Variants in OSBPL1A observed in about 807,000 individuals in gnomAD.
The protein encoded by OSBPL1A is oxysterol binding protein like 1A.
In OSBPL1A, 80 loss-of-function variants were observed where a neutral mutation model predicts 137.1. That is an observed-to-expected ratio of 0.58 (90% CI 0.49 to 0.70). The LOEUF (loss-of-function observed/expected upper bound fraction) is 0.70. Ranked by LOEUF, OSBPL1A falls within the 30% of genes least tolerant of loss-of-function variation. The probability of loss-of-function intolerance (pLI) is 0.00; values close to 1 mark genes in which losing one functional copy is unlikely to be tolerated. For synonymous variants in OSBPL1A, 365 were observed against 389.7 expected (o/e 0.94, Z 0.75); for missense variants, 970 against 1,129.4 (o/e 0.86, Z 2.02).
chr18:24,293,507 G>GGCAGAGCAGACGAGGAGGA (rs2090228346), intron 14 of OSBPL1A, among the ~76,000 whole-genome samples: 1 of 152,350 alleles, frequency 6.6e-6, no homozygotes, highest in South Asian at 2.1e-4. Context: ...CACAAAGCAG[G>GGCAGAGCAGACGAGGAGGA]GCAGAGCAGA....
At chr18:24,347,010 A>G (rs1159908623) in intron 4 of OSBPL1A, among the ~76,000 whole-genome samples, 1 of 151,340 alleles carries the variant, frequency 6.6e-6, no homozygotes, top group African/African-American at 2.4e-5. Flanking sequence ...TTGGCCTCCC[A>G]AAGTGTTGAG....
Position 24,247,426 on chromosome 18 carries a change from A to G in OSBPL1A, c.1282-8044T>C, listed in dbSNP as rs143148948. 4.6e-3 allele frequency among the ~76,000 whole-genome samples: 694 copies of G among 152,168 alleles called. 14 individuals are homozygous for G. Among genetic ancestry groups the G allele is most frequent in the Admixed American group, 0.04 (612 of 15,284 alleles). On this transcript the variant is annotated intron_variant, in intron 15 of 27. Coordinates refer to ENST00000319481, the MANE Select transcript of OSBPL1A (RefSeq NM_080597.4). ...CTATGGGTCAAGAGAGATAAGAGAG[A>G]GTGAGTACAACCTGTTCTTAAGAAG...
chr18:24,201,326 T>C (rs2087214285), intron 17 of OSBPL1A, among the ~76,000 whole-genome samples: 1 of 152,246 alleles, frequency 6.6e-6, no homozygotes, highest in Non-Finnish European at 1.5e-5. Context: ...CACAGCATTG[T>C]AGGCAGACCC....
At chr18:24,250,174 G>GTTTTTTTTTTTT (rs1233264916) in intron 15 of OSBPL1A, among the ~76,000 whole-genome samples, 8 of 75,358 alleles carry the variant, frequency 1.1e-4, no homozygotes, top group Middle Eastern at 6.2e-3. Flanking sequence ...TTGTTTGTTT[G>GTTTTTTTTTTTT]TTTGTTTGTT....
At chr18:24,316,568 A>G (rs1156562600) in intron 11 of OSBPL1A, among the ~76,000 whole-genome samples, 1 of 152,228 alleles carries the variant, frequency 6.6e-6, no homozygotes, top group Non-Finnish European at 1.5e-5. Flanking sequence ...CAAGAGATAA[A>G]GAGGGCCACA....
intron 15 of OSBPL1A, among the ~76,000 whole-genome samples, chr18:24,267,277 T>A (rs1339278633): frequency 6.6e-6 from 1 of 151,678 alleles, no homozygotes; most frequent in Non-Finnish European, 1.5e-5. Flanking sequence ...AAAATAATCC[T>A]AGAAACATTA....
chr18:24,376,499 G>A (rs1906149983), intron 2 of OSBPL1A, among the ~76,000 whole-genome samples: 3 of 152,230 alleles, frequency 2.0e-5, no homozygotes, highest in Non-Finnish European at 2.9e-5. Flanking sequence ...ACCAGACTCA[G>A]GAGCCCAGCT....
At chr18:24,222,813 T>C (rs1172913312) in intron 17 of OSBPL1A, among the ~76,000 whole-genome samples, 2 of 152,142 alleles carry the variant, frequency 1.3e-5, no homozygotes, top group African/African-American at 2.4e-5. Context: ...ATACACAGTC[T>C]CTCTTTAAAA....
chr18:24,182,654 G>GT (rs1567926676), intron 18 of OSBPL1A, among the ~76,000 whole-genome samples: 2 of 152,158 alleles, frequency 1.3e-5, no homozygotes, highest in Admixed American at 6.5e-5. Context: ...AAACAGACAT[G>GT]TAACAGCTCA....
rs2091569690 is a variant in OSBPL1A at position 24,358,318 on chromosome 18, A to C, written c.282+8574T>G. The C allele has an allele frequency of 8.2e-6, 5 of 610,130 alleles. No individual in the cohort carries two copies. In the South Asian group the frequency reaches 9.8e-5, roughly 12 times the overall value. The allele number at this position is 610,130 out of a possible 1,614,324, so 37.8% of individuals were successfully genotyped here. A position where few individuals can be genotyped will look rare whatever the true frequency, so the allele number is the denominator to read the frequency against. On this transcript the variant is annotated intron_variant, in intron 4 of 27. Transcript: ENST00000319481. ...TGGCTGCTCATCCCCAACAGGGACAACTTTGAAGCATCATCTCCTCTGCAA... is the reference window on the plus strand; with the variant it reads ...TGGCTGCTCATCCCCAACAGGGACACCTTTGAAGCATCATCTCCTCTGCAA...
At chr18:24,309,341 T>TCA (rs1197516699) in intron 13 of OSBPL1A, among the ~76,000 whole-genome samples, 2 of 152,134 alleles carry the variant, frequency 1.3e-5, no homozygotes, top group African/African-American at 4.8e-5. Context: ...AAAAACTAAC[T>TCA]CACTCTCTCT....
intron 16 of OSBPL1A, 78 bp from the exon 17 acceptor site, chr18:24,225,276 G>A (rs539415676): frequency 6.6e-7 from 1 of 1,510,294 alleles, no homozygotes; most frequent in Admixed American, 1.8e-5. Context: ...CTCCCTTCAT[G>A]CCTCAGGCTT....
At chr18:24,315,977 C>G (rs995722605) in intron 11 of OSBPL1A, among the ~76,000 whole-genome samples, 1 of 146,200 alleles carries the variant, frequency 6.8e-6, no homozygotes, top group Admixed American at 7.2e-5. Context: ...ACCTGACATA[C>G]GGGCTGGGTG....
At chr18:24,397,338 G>A (rs919397189) in intron 1 of OSBPL1A, among the ~76,000 whole-genome samples, 1 of 152,244 alleles carries the variant, frequency 6.6e-6, no homozygotes, top group Admixed American at 6.5e-5. Flanking sequence ...GCACGCAGCT[G>A]AAGATCTGGT....
At chr18:24,163,440 T>C (rs62089649) in intron 27 of OSBPL1A, among the ~76,000 whole-genome samples, 159 bp from the exon 28 acceptor site, 47 of 152,164 alleles carry the variant, frequency 3.1e-4, no homozygotes, top group Non-Finnish European at 6.2e-4. Context: ...TCTGCTTAGG[T>C]AGGGAACAGG....
intron 4 of OSBPL1A, chr18:24,366,624 C>T (rs1417044879): frequency 1.2e-5 from 4 of 337,004 alleles, no homozygotes. Flanking sequence ...AAAGAATAAT[C>T]AGGAGTTCCC....
rs767384701 is a variant in OSBPL1A, at chr18:24,197,671, C to T, written c.1602-1471G>A. Reference sequence around the variant, plus strand: ...TCCAAGACTATCAATCTCTGTGACACGAATAATAGATACCAGGAATAAGAA... The same window carrying T: ...TCCAAGACTATCAATCTCTGTGACATGAATAATAGATACCAGGAATAAGAA... On this transcript the variant is annotated intron_variant, in intron 17 of 27. Transcript: ENST00000319481. Among the ~76,000 whole-genome samples, 7 of 151,512 alleles carry T rather than the reference C, an allele frequency of 4.6e-5. No individual in the cohort carries two copies. In the South Asian group the frequency reaches 6.2e-4, roughly 14 times the overall value.
intron 17 of OSBPL1A, among the ~76,000 whole-genome samples, chr18:24,201,707 G>C (rs2087225864): frequency 6.6e-6 from 1 of 152,002 alleles, no homozygotes; most frequent in African/African-American, 2.4e-5. Context: ...AGGTTGCAGT[G>C]AGCTGAGGCT....
At chr18:24,365,716 C>T (rs1184637117) in intron 4 of OSBPL1A, among the ~76,000 whole-genome samples, 1 of 152,006 alleles carries the variant, frequency 6.6e-6, no homozygotes, top group Non-Finnish European at 1.5e-5. Flanking sequence ...TCTGGGGTGA[C>T]AGAAATGTTC....
Sources: allele counts gnomAD v4.1 joint callset (sites outside exome capture counted in the v4.1 genomes callset), GRCh38; gene constraint gnomAD v4.1.1; transcripts MANE v1.5; gene names NCBI Gene and HGNC (gene_info 2026-07-23, HGNC 2026-07-21).